ALDH3B2: variants seen among roughly 807,000 people sequenced by gnomAD.
ALDH3B2 encodes the protein aldehyde dehydrogenase 3 family member B2, also known as aldehyde dehydrogenase family 3 member B2.
Under a neutral mutation model 36.7 loss-of-function variants are expected in ALDH3B2, and 45 were observed. The observed-to-expected ratio is 1.23, with a 90% CI of 0.97 to 1.57. The LOEUF is 1.57. ALDH3B2 is among the 40% of genes most tolerant of loss of function. The probability of loss-of-function intolerance (pLI) is 0.00; values close to 1 mark genes in which losing one functional copy is unlikely to be tolerated. For synonymous variants in ALDH3B2, 217 were observed against 226.5 expected (o/e 0.96, Z 0.38); for missense variants, 464 against 513.3 (o/e 0.90, Z 0.93).
intron 8 of ALDH3B2, 48 bp from the exon 9 acceptor site, chr11:67,663,809 G>T: frequency 6.6e-7 from 1 of 1,523,038 alleles, no homozygotes. Context: ...CATGAGAAGA[G>T]GGCTTGAGCC....
chr11:67,667,148 G>A (rs999463440), intron 2 of ALDH3B2, 132 bp from the exon 3 acceptor site: 22 of 612,462 alleles, frequency 3.6e-5, no homozygotes, highest in Admixed American at 2.8e-5. Flanking sequence ...AGGCACTGCC[G>A]TCCCCTGGGA....
chr11:67,680,926 T>C (rs1255485898), intron 1 of ALDH3B2, among the ~76,000 whole-genome samples: 1 of 152,130 alleles, frequency 6.6e-6, no homozygotes, highest in Non-Finnish European at 1.5e-5. Context: ...GGTGGGCACG[T>C]GACATTGTAA....
rs768977581 is a variant in ALDH3B2, at chr11:67,665,595, G to GC, written c.395dup (p.Lys133GlnfsTer35). ...TGTCGTCCACGTAGCAGGGGTTCTTGCCCCCCAGCTCCAGGGTGACAGGCG... is the reference window on the plus strand; with the variant it reads ...TGTCGTCCACGTAGCAGGGGTTCTTGCCCCCCCAGCTCCAGGGTGACAGGCG... On this transcript the variant is annotated frameshift_variant, in exon 7 of 10. Transcript: ENST00000349015. LOFTEE classifies it high-confidence loss of function. 7 of 1,613,906 alleles carry GC rather than the reference G, an allele frequency of 4.3e-6. No individual in the cohort carries two copies. The East Asian group carries it at 1.1e-4, about 26-fold the overall frequency.
At chr11:67,663,858 T>A in intron 8 of ALDH3B2, 97 bp from the exon 9 acceptor site, 1 of 991,834 alleles carries the variant, frequency 1.0e-6, no homozygotes, top group Non-Finnish European at 1.5e-6. Context: ...CATCCTCACC[T>A]GCCCCTCCAC....
At position 67,662,732 on chromosome 11, in the gene ALDH3B2, G is replaced by C. The variant is rs931273988; in HGVS notation, c.*483C>G. 4 of 190,012 alleles carry C rather than the reference G, an allele frequency of 2.1e-5. No homozygotes were observed. The Admixed American group carries it at 2.1e-4, about 10-fold the overall frequency. 11.8% of individuals were successfully genotyped at this position (190,012 alleles called of 1,614,324 possible). On this transcript the variant is annotated 3_prime_UTR_variant, in exon 10 of 10. Coordinates refer to ENST00000349015, the Ensembl canonical transcript of ALDH3B2. ...AACCAGAGGGGTGGTGCAGAGACCA[G>C]TGTGGGATGTGAGAGGATCCCTGGG... is the stretch of plus-strand genomic sequence containing the variant.
exon 7 of ALDH3B2, chr11:67,665,569 T>G: frequency 6.2e-7 from 1 of 1,614,086 alleles, no homozygotes; most frequent in Non-Finnish European, 8.5e-7. Flanking sequence ...GGGGTCGCAG[T>G]TGTCGTCCAC....
chr11:67,676,065 G>A (rs1856264097), upstream of ALDH3B2, among the ~76,000 whole-genome samples: 1 of 152,124 alleles, frequency 6.6e-6, no homozygotes, highest in Admixed American at 6.6e-5. Flanking sequence ...GGCCAACATG[G>A]TGAAACCCTG....
exon 8 of ALDH3B2, chr11:67,664,479 C>T (rs370710464): frequency 8.7e-6 from 14 of 1,613,978 alleles, no homozygotes; most frequent in East Asian, 4.5e-5. Flanking sequence ...ACGCTCTGCA[C>T]GTTCACGATG....
At chr11:67,680,749 C>T (rs1289259912) in intron 1 of ALDH3B2, among the ~76,000 whole-genome samples, 1 of 152,136 alleles carries the variant, frequency 6.6e-6, no homozygotes, top group Non-Finnish European at 1.5e-5. Context: ...TTTATCTCTC[C>T]TTGTTTTACC....
exon 7 of ALDH3B2, chr11:67,665,628 C>T: frequency 6.2e-7 from 1 of 1,613,532 alleles, no homozygotes; most frequent in South Asian, 1.1e-5. Flanking sequence ...GCGTCAGGTG[C>T]TTGGTGGCAG....
At chr11:67,663,029 G>C in exon 10 of ALDH3B2, 1 of 738,710 alleles carries the variant, frequency 1.4e-6, no homozygotes, top group Admixed American at 2.7e-5. Flanking sequence ...CTCGAGCAGC[G>C]TCCCCCAGAT....
intron 1 of ALDH3B2, among the ~76,000 whole-genome samples, chr11:67,671,755 C>T (rs1457682300): frequency 6.6e-6 from 1 of 151,442 alleles, no homozygotes; most frequent in Non-Finnish European, 1.5e-5. Flanking sequence ...CATGTTGAGG[C>T]TGGTCTTGAA....
chr11:67,666,462 C>T (rs1393690926), intron 4 of ALDH3B2, 61 bp from the exon 5 acceptor site: 1 of 1,601,790 alleles, frequency 6.2e-7, no homozygotes, highest in African/African-American at 1.3e-5. Flanking sequence ...CAACCAGGGG[C>T]TGGGCTCAGA....
upstream of ALDH3B2, among the ~76,000 whole-genome samples, chr11:67,679,522 G>A (rs535100818): frequency 3.3e-5 from 5 of 152,004 alleles, no homozygotes; most frequent in South Asian, 2.1e-4. Flanking sequence ...GCTCATGCCT[G>A]TAATCCCAGC....
At chr11:67,667,515 G>A (rs1855954531) in exon 2 of ALDH3B2, 1 of 391,850 alleles carries the variant, frequency 2.6e-6, no homozygotes, top group African/African-American at 2.1e-5. Context: ...GAAGCTGCTT[G>A]TTTTCTTGAA....
exon 7 of ALDH3B2, chr11:67,665,567 A>T (rs747588268): frequency 6.2e-7 from 1 of 1,614,072 alleles, no homozygotes; most frequent in Non-Finnish European, 8.5e-7. Context: ...TGGGGGTCGC[A>T]GTTGTCGTCC....
At position 67,665,821 on chromosome 11, in the gene ALDH3B2, A is replaced by T; in HGVS notation, c.320-150T>A. 3.2e-6 allele frequency: 4 copies of T among 1,265,918 alleles called. No homozygotes were observed. In the South Asian group the frequency reaches 5.8e-5, roughly 18 times the overall value. 78.4% of individuals were successfully genotyped at this position (1,265,918 alleles called of 1,614,324 possible). On this transcript the variant is annotated intron_variant, in intron 6 of 9. Transcript: ENST00000349015. The stretch of plus-strand genomic sequence containing the variant: ...GAGACCCCATCCTCAACTGGCCTTG[A>T]CCACACACTCCAGGCACCTGACTCT...
upstream of ALDH3B2, among the ~76,000 whole-genome samples, chr11:67,676,975 A>C (rs1038548683): frequency 5.9e-5 from 9 of 152,184 alleles, no homozygotes; most frequent in South Asian, 1.2e-3. Context: ...TTACCAACAA[A>C]AAAAAAGTCC....
upstream of ALDH3B2, among the ~76,000 whole-genome samples, chr11:67,679,058 A>G (rs1238019667): frequency 2.0e-5 from 3 of 152,100 alleles, no homozygotes; most frequent in East Asian, 5.8e-4. Flanking sequence ...ATAAAAGACA[A>G]CAAGTATGGT....
Sources: allele counts gnomAD v4.1 joint callset (sites outside exome capture counted in the v4.1 genomes callset), GRCh38; gene constraint gnomAD v4.1.1; transcripts MANE v1.5; gene names NCBI Gene and HGNC (gene_info 2026-07-23, HGNC 2026-07-21).